The following INPP4B variants were observed in gnomAD, a reference collection of about 807,000 sequenced individuals.
The protein encoded by INPP4B is inositol polyphosphate 4-phosphatase type II.
Under a neutral mutation model 122.5 loss-of-function variants are expected in INPP4B, and 55 were observed. The observed-to-expected ratio is 0.45, with a 90% confidence interval of 0.36 to 0.56. INPP4B has a LOEUF of 0.56. Among genes scored for constraint, INPP4B ranks in the 20% least tolerant of loss-of-function variants. INPP4B has a pLI of 0.00. For missense variants in INPP4B, 1,000 were observed against 1,097.7 expected, an observed-to-expected ratio of 0.91 and a Z score of 1.26; for synonymous variants, 403 against 388.7, an observed-to-expected ratio of 1.04 and a Z score of -0.43.
At chr4:142,095,364 C>T (rs1781369879) in intron 23 of INPP4B, among the ~76,000 whole-genome samples, 1 of 152,132 alleles carries the variant, frequency 6.6e-6, no homozygotes, top group Non-Finnish European at 1.5e-5. Context: ...AAAAGTGGAT[C>T]TAAAAAGTGA....
intron 2 of INPP4B, among the ~76,000 whole-genome samples, chr4:142,573,777 G>C (rs374323642): frequency 1.3e-5 from 2 of 151,958 alleles, no homozygotes; most frequent in Non-Finnish European, 2.9e-5. Context: ...AACACATTCC[G>C]CAATATTGGA....
At chr4:142,341,395 G>A (rs1023191242) in intron 7 of INPP4B, among the ~76,000 whole-genome samples, 6 of 140,980 alleles carry the variant, frequency 4.3e-5, no homozygotes, top group African/African-American at 1.6e-4. Flanking sequence ...CTGTTGAGAT[G>A]AAAAAATACA....
At chr4:142,104,231 C>T (rs1785887933) in intron 23 of INPP4B, among the ~76,000 whole-genome samples, 1 of 152,186 alleles carries the variant, frequency 6.6e-6, no homozygotes, top group African/African-American at 2.4e-5. Context: ...GCTTTATCCA[C>T]TTCCTTCAGA....
intron 3 of INPP4B, 29 bp from the exon 4 acceptor site, chr4:142,431,414 G>T (rs1247970406): frequency 1.6e-6 from 1 of 618,386 alleles, no homozygotes; most frequent in Non-Finnish European, 2.9e-6. Flanking sequence ...TAAAATTTCA[G>T]TCATATTGGA....
At chr4:142,738,175 C>G (rs779297942) in intron 1 of INPP4B, among the ~76,000 whole-genome samples, 6 of 152,180 alleles carry the variant, frequency 3.9e-5, no homozygotes, top group Non-Finnish European at 7.3e-5. Context: ...TTTACCGCAG[C>G]ACTATTCACA....
chr4:142,765,433 A>G (rs1313651653), intron 1 of INPP4B, among the ~76,000 whole-genome samples: 1 of 152,168 alleles, frequency 6.6e-6, no homozygotes, highest in Non-Finnish European at 1.5e-5. Context: ...TTCCAAATAC[A>G]GCACAGAAAT....
chr4:142,284,610 A>G (rs60678479), intron 9 of INPP4B, among the ~76,000 whole-genome samples: 8,701 of 152,132 alleles, frequency 0.057, 418 homozygotes, highest in East Asian at 0.21. Context: ...TCAGCAGAGA[A>G]AGAGGAAGAG....
intron 2 of INPP4B, among the ~76,000 whole-genome samples, chr4:142,642,482 A>G (rs1399427299): frequency 6.6e-6 from 1 of 152,214 alleles, no homozygotes; most frequent in Non-Finnish European, 1.5e-5. Flanking sequence ...AGCTTTCTAC[A>G]TATGGCTAGC....
intron 7 of INPP4B, among the ~76,000 whole-genome samples, chr4:142,344,050 C>T (rs1041828060): frequency 1.3e-5 from 2 of 152,004 alleles, no homozygotes; most frequent in Admixed American, 6.6e-5. Context: ...CAAGATGTCA[C>T]CATTCAGCCA....
chr4:142,674,319 C>A (rs573244199), intron 2 of INPP4B, among the ~76,000 whole-genome samples: 2 of 152,236 alleles, frequency 1.3e-5, no homozygotes, highest in East Asian at 3.9e-4. Flanking sequence ...TACCTGCATG[C>A]ATCCCATCTC....
At chr4:142,573,196 C>T (rs1395502246) in intron 2 of INPP4B, among the ~76,000 whole-genome samples, 1 of 151,970 alleles carries the variant, frequency 6.6e-6, no homozygotes. Context: ...CCAGATCTCG[C>T]TATCACAAGA....
intron 1 of INPP4B, among the ~76,000 whole-genome samples, chr4:142,809,256 A>T (rs1779215359): frequency 6.6e-6 from 1 of 152,126 alleles, no homozygotes; most frequent in Non-Finnish European, 1.5e-5. Context: ...CATAGTAGGT[A>T]TATATACTTC....
At chr4:142,517,952 TACTC>T (rs1374639555) in intron 2 of INPP4B, among the ~76,000 whole-genome samples, 6 of 152,330 alleles carry the variant, frequency 3.9e-5, no homozygotes, top group South Asian at 4.1e-4. Flanking sequence ...AGAGGTAAAT[TACTC>T]ACTGTCTTTA....
chr4:142,612,486 T>C (rs2150343277), intron 2 of INPP4B, among the ~76,000 whole-genome samples: 1 of 152,312 alleles, frequency 6.6e-6, no homozygotes, highest in Non-Finnish European at 1.5e-5. Flanking sequence ...AATGTATTTC[T>C]CACTGTTATG....
At chr4:142,703,470 G>A (rs924962377) in intron 2 of INPP4B, among the ~76,000 whole-genome samples, 1 of 152,170 alleles carries the variant, frequency 6.6e-6, no homozygotes, top group Non-Finnish European at 1.5e-5. Flanking sequence ...AGATTGTTAA[G>A]AAGGCTAGAG....
At chr4:142,720,809 C>CTCTCTATATATA (rs1553997412) in intron 2 of INPP4B, among the ~76,000 whole-genome samples, 1 of 12,948 alleles carries the variant, frequency 7.7e-5, no homozygotes, top group Non-Finnish European at 1.6e-4. Context: ...CTCTCTCTCT[C>CTCTCTATATATA]TATATATATA....
At chr4:142,696,743 C>T (rs1007098530) in intron 2 of INPP4B, among the ~76,000 whole-genome samples, 10 of 152,204 alleles carry the variant, frequency 6.6e-5, no homozygotes, top group African/African-American at 2.2e-4. Context: ...ATGTCCTTTA[C>T]AGCCAGCCAG....
At chr4:142,527,332 TAAAAATC>T (rs1427202501) in intron 2 of INPP4B, among the ~76,000 whole-genome samples, 1 of 151,868 alleles carries the variant, frequency 6.6e-6, no homozygotes, top group African/African-American at 2.4e-5. Flanking sequence ...TTATACAAAA[TAAAAATC>T]AAACACATAT....
chr4:142,526,761 T>G (rs1826970785), intron 2 of INPP4B, among the ~76,000 whole-genome samples: 1 of 152,138 alleles, frequency 6.6e-6, no homozygotes, highest in Non-Finnish European at 1.5e-5. Flanking sequence ...CCTTTTGCTT[T>G]ATAATTTCTG....
Sources: allele counts gnomAD v4.1 joint callset (sites outside exome capture counted in the v4.1 genomes callset), GRCh38; gene constraint gnomAD v4.1.1; transcripts MANE v1.5; gene names NCBI Gene and HGNC (gene_info 2026-07-23, HGNC 2026-07-21).